EXOC2: variants seen among roughly 807,000 people sequenced by gnomAD.
EXOC2 encodes the protein SEC5-like 1.
Under a neutral mutation model 131.8 loss-of-function variants are expected in EXOC2, and 70 were observed. The observed-to-expected ratio is 0.53, with a 90% CI of 0.44 to 0.65. The LOEUF (loss-of-function observed/expected upper bound fraction) is 0.65. EXOC2 is among the 30% of genes least tolerant of loss of function. The pLI, the probability that EXOC2 is intolerant of heterozygous loss-of-function variation, is 0.00. For synonymous variants in EXOC2, 411 were observed against 398.4 expected (o/e 1.03, Z -0.38); for missense variants, 923 against 1,108.6 (o/e 0.83, Z 2.38).
At chr6:641,279 G>A (rs1762342012) in intron 1 of EXOC2, among the ~76,000 whole-genome samples, 1 of 152,108 alleles carries the variant, frequency 6.6e-6, no homozygotes, top group Non-Finnish European at 1.5e-5. Flanking sequence ...TGAGTCTGGG[G>A]TATGTTGTAT....
Position 497,507 on chromosome 6 carries a change from G to C in EXOC2, c.2437-18C>G. The C allele has an allele frequency of 6.2e-7, 1 of 1,602,380 alleles. No homozygotes were observed. The highest frequency in any genetic ancestry group is 8.5e-7 in the Non-Finnish European group (1 of 1,175,660). On this transcript the variant is annotated intron_variant, in intron 24 of 27. Coordinates refer to ENST00000230449, the MANE Select transcript of EXOC2 (RefSeq NM_018303.6). ...GTGAACACCTGGTTTGAAATAGGAA[G>C]ACATGGTGCTTTGTGGGGCTTTTTG...
At chr6:659,244 C>T (rs1310688470) in intron 1 of EXOC2, among the ~76,000 whole-genome samples, 10 of 152,178 alleles carry the variant, frequency 6.6e-5, no homozygotes, top group Non-Finnish European at 1.0e-4. Context: ...TTTCAAAACA[C>T]TGCTGAATAA....
intron 26 of EXOC2, among the ~76,000 whole-genome samples, chr6:489,528 A>T (rs1371771307): frequency 6.6e-6 from 1 of 152,252 alleles, no homozygotes; most frequent in Non-Finnish European, 1.5e-5. Flanking sequence ...AGAAAAATGG[A>T]GAGCTATATA....
At chr6:576,473 A>T (rs1211497277) in intron 12 of EXOC2, among the ~76,000 whole-genome samples, 1 of 152,238 alleles carries the variant, frequency 6.6e-6, no homozygotes, top group Non-Finnish European at 1.5e-5. Context: ...GGCACTTTAA[A>T]AAAATTCAAC....
chr6:502,110 C>T (rs374322319), intron 23 of EXOC2, among the ~76,000 whole-genome samples: 4 of 152,112 alleles, frequency 2.6e-5, no homozygotes, highest in South Asian at 2.1e-4. Context: ...GTCTCTAAGC[C>T]GCACGCCATG....
intron 7 of EXOC2, among the ~76,000 whole-genome samples, chr6:609,323 C>T (rs907829219): frequency 6.6e-6 from 1 of 152,188 alleles, no homozygotes; most frequent in Admixed American, 6.5e-5. Context: ...AACTCTACTT[C>T]CTGATGAGAT....
chr6:671,467 G>A (rs1763867617), intron 1 of EXOC2, among the ~76,000 whole-genome samples: 1 of 152,148 alleles, frequency 6.6e-6, no homozygotes, highest in African/African-American at 2.4e-5. Context: ...CATGGTGCCA[G>A]ATGCCAGGAC....
chr6:640,488 G>A (rs1204036769), intron 1 of EXOC2, among the ~76,000 whole-genome samples: 5 of 152,108 alleles, frequency 3.3e-5, no homozygotes, highest in African/African-American at 1.2e-4. Context: ...ACCTCACTCC[G>A]CCACTGCCAA....
intron 1 of EXOC2, among the ~76,000 whole-genome samples, chr6:655,312 T>C (rs1408908220): frequency 6.6e-6 from 1 of 152,254 alleles, no homozygotes; most frequent in Non-Finnish European, 1.5e-5. Context: ...ACCAATGAAG[T>C]ATTTTAAAAT....
intron 1 of EXOC2, among the ~76,000 whole-genome samples, chr6:691,287 A>G (rs1764912458): frequency 6.6e-6 from 1 of 152,250 alleles, no homozygotes; most frequent in African/African-American, 2.4e-5. Context: ...CTTAAGCAAC[A>G]TGGGTTTGAA....
intron 1 of EXOC2, among the ~76,000 whole-genome samples, chr6:688,186 G>A (rs1764752893): frequency 6.6e-6 from 1 of 152,192 alleles, no homozygotes; most frequent in South Asian, 2.1e-4. Context: ...TGATGTGAAA[G>A]GATGAAAGGT....
chr6:505,531 T>C (rs187913044), intron 23 of EXOC2, among the ~76,000 whole-genome samples: 2 of 152,298 alleles, frequency 1.3e-5, no homozygotes, highest in African/African-American at 2.4e-5. Flanking sequence ...TTTAAGAGGC[T>C]AGGGAGGCAT....
Position 633,080 on chromosome 6 carries a change from TGCCGTCAGGAG to T in EXOC2, c.145_155del (p.Leu49ArgfsTer7). 4 of 1,613,890 alleles carry T rather than the reference TGCCGTCAGGAG, an allele frequency of 2.5e-6. No homozygotes were observed. The highest frequency in any genetic ancestry group is 3.4e-6 in the Non-Finnish European group (4 of 1,180,012). ...CTATTTTACTTGCAGACATCCATTC[TGCCGTCAGGAG>T]GCAATTATGTCCACAAATGGTCAAG... On this transcript the variant is annotated frameshift_variant, in exon 3 of 28. Transcript: ENST00000230449. LOFTEE classifies it high-confidence loss of function.
intron 11 of EXOC2, among the ~76,000 whole-genome samples, chr6:580,420 G>A (rs1758825717): frequency 6.6e-6 from 1 of 152,100 alleles, no homozygotes; most frequent in Non-Finnish European, 1.5e-5. Flanking sequence ...TGCATTGATA[G>A]GAGTTTTCAG....
intron 1 of EXOC2, among the ~76,000 whole-genome samples, chr6:651,735 T>C (rs927099876): frequency 8.6e-5 from 13 of 151,666 alleles, no homozygotes; most frequent in African/African-American, 2.9e-4. Flanking sequence ...CAGAAGATTT[T>C]TTAAATGAAC....
intron 25 of EXOC2, among the ~76,000 whole-genome samples, chr6:493,208 GAC>G (rs1763536100): frequency 6.6e-6 from 1 of 152,176 alleles, no homozygotes; most frequent in Non-Finnish European, 1.5e-5. Context: ...AGATATATAT[GAC>G]ACAGGATATT....
intron 7 of EXOC2, among the ~76,000 whole-genome samples, chr6:602,918 A>G (rs771936323): frequency 1.9e-4 from 29 of 152,230 alleles, no homozygotes; most frequent in African/African-American, 7.0e-4. Flanking sequence ...TTACATCCTT[A>G]ACAACGGAAC....
chr6:592,458 GA>G lies in EXOC2; in HGVS notation c.1192+10del, dbSNP rs761779525. On this transcript the variant is annotated intron_variant, in intron 11 of 27. Coordinates refer to ENST00000230449, the MANE Select transcript of EXOC2 (RefSeq NM_018303.6). ...AGGAATCACACAACACATTGGAAGAGAAATCCTTGCCTTTCAGATCTTTCAC... is the reference window on the plus strand; with the variant it reads ...AGGAATCACACAACACATTGGAAGAGAATCCTTGCCTTTCAGATCTTTCAC... The G allele has an allele frequency of 1.2e-4, 200 of 1,607,036 alleles. No individual in the cohort carries two copies. The highest frequency in any genetic ancestry group is 2.7e-4 in the Admixed American group (16 of 59,884).
At chr6:566,098 A>G (rs897482494) in intron 13 of EXOC2, among the ~76,000 whole-genome samples, 1 of 152,188 alleles carries the variant, frequency 6.6e-6, no homozygotes, top group Non-Finnish European at 1.5e-5. Flanking sequence ...TTTGTCTTGA[A>G]AGAATTAAAG....
Sources: gnomAD v4.1 joint callset for allele counts (sites outside exome capture counted in the v4.1 genomes callset) on GRCh38, gnomAD v4.1.1 for gene constraint, MANE v1.5 for transcripts, NCBI Gene and HGNC (gene_info 2026-07-23, HGNC 2026-07-21) for gene names.